Variants in ENOX1 observed in about 807,000 individuals in gnomAD.
ENOX1 encodes ecto-NOX disulfide-thiol exchanger 1, also known as candidate growth-related and time keeping constitutive hydroquinone (NADH) oxidase.
In ENOX1, 42 loss-of-function variants were observed where a neutral mutation model predicts 82.5. The ratio of observed to expected loss-of-function variants is 0.51; its 90% CI spans 0.40 to 0.66. The LOEUF is 0.66. Ranked by LOEUF, ENOX1 falls within the 30% of genes least tolerant of loss-of-function variation. ENOX1 has a pLI of 0.00. For synonymous variants in ENOX1, 271 were observed against 282.2 expected (o/e 0.96, Z 0.40); for missense variants, 608 against 811.6 (o/e 0.75, Z 3.05).
At chr13:43,510,047 TGTACATATGTATAGATCTAAGTA>T (rs2077310261) in intron 2 of ENOX1, among the ~76,000 whole-genome samples, 1 of 152,046 alleles carries the variant, frequency 6.6e-6, no homozygotes, top group South Asian at 2.1e-4. Flanking sequence ...AGGGTTTCTC[TGTACATATGTATAGATCTAAGTA>T]GGAGATGGAA....
At chr13:43,727,787 C>T (rs2089080075) in intron 1 of ENOX1, among the ~76,000 whole-genome samples, 1 of 152,060 alleles carries the variant, frequency 6.6e-6, no homozygotes, top group South Asian at 2.1e-4. Context: ...TTTAAAATAC[C>T]TTTGGCTACT....
intron 3 of ENOX1, among the ~76,000 whole-genome samples, chr13:43,461,881 T>G (rs1226198684): frequency 6.6e-6 from 1 of 152,204 alleles, no homozygotes; most frequent in Non-Finnish European, 1.5e-5. Flanking sequence ...ATTAGCGCAA[T>G]CACTTTTTTG....
intron 1 of ENOX1, among the ~76,000 whole-genome samples, chr13:43,750,767 C>T (rs1461029830): frequency 6.6e-6 from 1 of 152,090 alleles, no homozygotes; most frequent in South Asian, 2.1e-4. Flanking sequence ...ATGTTCCATG[C>T]GATCAAATTT....
In ENOX1 at chr13:43,529,543, G is replaced by A. The variant is rs117124057; in HGVS notation, c.-218-45391C>T. ...AAGAAGGAAAAAGAAATTTGTGCTA[G>A]TTTTGCTGTCACATCTCTTCAAACT... On this transcript the variant is annotated intron_variant, in intron 2 of 16. Coordinates refer to ENST00000690772, the MANE Select transcript of ENOX1 (RefSeq NM_001347969.2). Among the ~76,000 whole-genome samples, 1,267 of 152,206 alleles carry A rather than the reference G, an allele frequency of 8.3e-3. 14 individuals carry two copies. The highest frequency in any genetic ancestry group is 0.014 in the Non-Finnish European group (930 of 67,984).
intron 5 of ENOX1, among the ~76,000 whole-genome samples, chr13:43,394,090 T>C (rs927609585): frequency 1.3e-5 from 2 of 152,242 alleles, no homozygotes; most frequent in African/African-American, 4.8e-5. Flanking sequence ...TGTGCTTGTA[T>C]AGCCTGAAGA....
chr13:43,517,472 T>C lies in ENOX1; in HGVS notation c.-218-33320A>G, dbSNP rs144136297. Among the ~76,000 whole-genome samples, 9 of 152,300 alleles carry C rather than the reference T, an allele frequency of 5.9e-5. No homozygotes were observed. The East Asian group carries it at 1.7e-3, about 29-fold the overall frequency. ...CAGATCGCGCCATTGCACTCCAGCC[T>C]GGGCAACAAGAGTGAAACCCTGTCT... On this transcript the variant is annotated intron_variant, in intron 2 of 16. Transcript: ENST00000690772.
In ENOX1 at chr13:43,383,414, T is replaced by C. The variant is rs146163842; in HGVS notation, c.209-21962A>G. ...CAGCTGTTTATATTTCAGATTAAAATAGAATTGAGGAGAGAAACATCATTC... is the reference window on the plus strand; with the variant it reads ...CAGCTGTTTATATTTCAGATTAAAACAGAATTGAGGAGAGAAACATCATTC... On this transcript the variant is annotated intron_variant, in intron 5 of 16. Transcript: ENST00000690772. Among the ~76,000 whole-genome samples, 14 of 152,266 alleles carry C rather than the reference T, an allele frequency of 9.2e-5. No individual in the cohort carries two copies. The East Asian group carries it at 2.5e-3, about 27-fold the overall frequency.
chr13:43,696,044 T>C (rs2086625558), intron 1 of ENOX1, among the ~76,000 whole-genome samples: 3 of 152,356 alleles, frequency 2.0e-5, no homozygotes, highest in African/African-American at 7.2e-5. Flanking sequence ...TTATATAATA[T>C]GTAGCCTTTT....
At chr13:43,519,082 GAAC>G (rs952122842) in intron 2 of ENOX1, among the ~76,000 whole-genome samples, 3 of 152,084 alleles carry the variant, frequency 2.0e-5, no homozygotes, top group African/African-American at 4.8e-5. Flanking sequence ...CATGGATAGA[GAAC>G]AACAACAACA....
intron 2 of ENOX1, among the ~76,000 whole-genome samples, chr13:43,569,284 A>G (rs2080064575): frequency 6.6e-6 from 1 of 152,162 alleles, no homozygotes; most frequent in Non-Finnish European, 1.5e-5. Context: ...ATATCACATA[A>G]GCATATAAAG....
intron 2 of ENOX1, among the ~76,000 whole-genome samples, chr13:43,533,476 G>A (rs1240487084): frequency 6.6e-6 from 1 of 151,916 alleles, no homozygotes; most frequent in Non-Finnish European, 1.5e-5. Context: ...ATTCTATCAG[G>A]TAGAGTCCTG....
At chr13:43,719,195 A>G (rs1807584967) in intron 1 of ENOX1, among the ~76,000 whole-genome samples, 1 of 152,050 alleles carries the variant, frequency 6.6e-6, no homozygotes, top group African/African-American at 2.4e-5. Context: ...AAAGCTTCTT[A>G]AGCCTCTTCT....
At chr13:43,506,335 A>C (rs539009698) in intron 2 of ENOX1, among the ~76,000 whole-genome samples, 1 of 151,412 alleles carries the variant, frequency 6.6e-6, no homozygotes, top group Admixed American at 6.6e-5. Flanking sequence ...GTCAGGAAAC[A>C]ACAGGTGCTG....
intron 3 of ENOX1, among the ~76,000 whole-genome samples, chr13:43,419,140 T>C (rs931282852): frequency 6.6e-6 from 1 of 152,098 alleles, no homozygotes; most frequent in Non-Finnish European, 1.5e-5. Flanking sequence ...TCATGAATAA[T>C]AAAACCTACC....
At chr13:43,608,132 G>A (rs941175528) in intron 2 of ENOX1, among the ~76,000 whole-genome samples, 3 of 152,154 alleles carry the variant, frequency 2.0e-5, no homozygotes, top group Admixed American at 2.0e-4. Context: ...AGACATTTCA[G>A]TAATTGACTC....
intron 2 of ENOX1, among the ~76,000 whole-genome samples, chr13:43,494,234 TTAAC>T (rs1566373946): frequency 6.6e-6 from 1 of 152,152 alleles, no homozygotes. Flanking sequence ...ATAATCACAA[TTAAC>T]TAATACGAAG....
intron 12 of ENOX1, among the ~76,000 whole-genome samples, chr13:43,297,400 T>C (rs1354607115): frequency 6.6e-6 from 1 of 152,066 alleles, no homozygotes; most frequent in Non-Finnish European, 1.5e-5. Context: ...CTACTTATAT[T>C]TCCCTTGTTT....
chr13:43,455,005 A>T (rs559777813), intron 3 of ENOX1, among the ~76,000 whole-genome samples: 2 of 152,046 alleles, frequency 1.3e-5, no homozygotes, highest in South Asian at 2.1e-4. Context: ...TGAAATCCCT[A>T]TGCCTCTTTC....
intron 1 of ENOX1, among the ~76,000 whole-genome samples, chr13:43,712,963 G>T (rs1396683173): frequency 2.0e-5 from 3 of 152,094 alleles, no homozygotes; most frequent in Non-Finnish European, 4.4e-5. Context: ...AATAAGAGTG[G>T]TGAGAGAGGG....
Sources: allele counts gnomAD v4.1 joint callset (sites outside exome capture counted in the v4.1 genomes callset), GRCh38; gene constraint gnomAD v4.1.1; transcripts MANE v1.5; gene names NCBI Gene and HGNC (gene_info 2026-07-23, HGNC 2026-07-21).